GPC5: variants seen among roughly 807,000 people sequenced by gnomAD.
The protein encoded by GPC5 is glypican-5.
GPC5 carries 47 observed loss-of-function variants against 53.9 expected under a neutral mutation model. The observed-to-expected ratio is 0.87, with a 90% confidence interval of 0.69 to 1.11. The LOEUF (loss-of-function observed/expected upper bound fraction) is 1.11. Ranked by LOEUF, GPC5 falls within the 50% of genes most tolerant of loss-of-function variation. The pLI, the probability that GPC5 is intolerant of heterozygous loss-of-function variation, is 0.00. For missense variants in GPC5, 748 were observed against 713.1 expected, an observed-to-expected ratio of 1.05 and a Z score of -0.56; for synonymous variants, 286 against 263.3, an observed-to-expected ratio of 1.09 and a Z score of -0.84.
intron 2 of GPC5, among the ~76,000 whole-genome samples, chr13:91,465,996 A>G (rs1882212931): frequency 6.6e-6 from 1 of 152,274 alleles, no homozygotes; most frequent in African/African-American, 2.4e-5. Flanking sequence ...CAGCTCCTCT[A>G]TTGCTTTTAG....
At chr13:92,331,217 AC>A (rs1243723542) in intron 7 of GPC5, among the ~76,000 whole-genome samples, 1 of 152,170 alleles carries the variant, frequency 6.6e-6, no homozygotes, top group Admixed American at 6.6e-5. Context: ...CAATCATTTA[AC>A]ACACATGACT....
chr13:91,882,211 C>A (rs1027178067), intron 5 of GPC5, among the ~76,000 whole-genome samples: 2 of 151,822 alleles, frequency 1.3e-5, no homozygotes, highest in Non-Finnish European at 2.9e-5. Flanking sequence ...GTAATGTAAC[C>A]TGTATGGTTT....
chr13:92,234,332 CT>C (rs2042553797), intron 7 of GPC5, among the ~76,000 whole-genome samples: 1 of 152,118 alleles, frequency 6.6e-6, no homozygotes, highest in African/African-American at 2.4e-5. Context: ...TGTTTCCTGA[CT>C]TTTTAATGAT....
chr13:92,232,838 T>A (rs1462387797), intron 7 of GPC5, among the ~76,000 whole-genome samples: 1 of 152,220 alleles, frequency 6.6e-6, no homozygotes, highest in African/African-American at 2.4e-5. Flanking sequence ...GTTAAAACTA[T>A]AATTGTAGCA....
At chr13:92,492,994 A>T (rs1179343751) in intron 7 of GPC5, among the ~76,000 whole-genome samples, 2 of 152,176 alleles carry the variant, frequency 1.3e-5, no homozygotes, top group African/African-American at 4.8e-5. Context: ...CTGTTCTCTC[A>T]CAAATAAATG....
At chr13:92,326,881 G>C (rs1234817865) in intron 7 of GPC5, among the ~76,000 whole-genome samples, 1 of 152,220 alleles carries the variant, frequency 6.6e-6, no homozygotes, top group East Asian at 1.9e-4. Context: ...TCTATGGTCA[G>C]GGAGGAATGT....
intron 2 of GPC5, among the ~76,000 whole-genome samples, chr13:91,663,030 C>T (rs1054794451): frequency 2.0e-5 from 3 of 152,150 alleles, no homozygotes; most frequent in Non-Finnish European, 4.4e-5. Context: ...GCTACTGTTG[C>T]CTCACTTACA....
intron 7 of GPC5, among the ~76,000 whole-genome samples, chr13:92,299,903 T>A (rs74107162): frequency 0.023 from 3,545 of 152,282 alleles, 147 homozygotes; most frequent in African/African-American, 0.081. Flanking sequence ...GCAAATTATA[T>A]TGCTGTCAGC....
intron 6 of GPC5, among the ~76,000 whole-genome samples, chr13:92,127,218 G>T (rs2138956040): frequency 6.6e-6 from 1 of 151,652 alleles, no homozygotes; most frequent in South Asian, 2.1e-4. Context: ...AGCCTTAAAA[G>T]GAAGCTAGTT....
chr13:91,699,010 T>C (rs1045590715), intron 3 of GPC5, among the ~76,000 whole-genome samples: 2 of 152,212 alleles, frequency 1.3e-5, no homozygotes, highest in African/African-American at 4.8e-5. Flanking sequence ...TGAGGACCCC[T>C]GGGTTAAAGA....
chr13:92,064,188 T>G (rs919463408), intron 6 of GPC5, among the ~76,000 whole-genome samples: 7 of 152,172 alleles, frequency 4.6e-5, no homozygotes, highest in Non-Finnish European at 8.8e-5. Flanking sequence ...TAGCCAAAAG[T>G]TTCACTGATG....
At chr13:91,730,694 A>G (rs11843145) in intron 4 of GPC5, among the ~76,000 whole-genome samples, 10,268 of 152,282 alleles carry the variant, frequency 0.067, 360 homozygotes, top group Middle Eastern at 0.088. Flanking sequence ...AGTAAGCAAC[A>G]GAGCCTTTTC....
intron 7 of GPC5, among the ~76,000 whole-genome samples, chr13:92,550,608 G>T (rs1038218797): frequency 6.6e-6 from 1 of 151,658 alleles, no homozygotes; most frequent in African/African-American, 2.4e-5. Context: ...CCTGAAAAAG[G>T]GGTATTAAAA....
At chr13:91,715,800 C>CTCTCTCTCTCTGTG (rs997034217) in intron 3 of GPC5, among the ~76,000 whole-genome samples, 1 of 145,770 alleles carries the variant, frequency 6.9e-6, no homozygotes, top group African/African-American at 2.6e-5. Flanking sequence ...CTCTCTCTCT[C>CTCTCTCTCTCTGTG]TGTGTGTGTG....
At chr13:91,593,848 T>C (rs2032895865) in intron 2 of GPC5, among the ~76,000 whole-genome samples, 1 of 150,796 alleles carries the variant, frequency 6.6e-6, no homozygotes. Context: ...TGTGGCCTGA[T>C]AAATAGCAAA....
intron 2 of GPC5, among the ~76,000 whole-genome samples, chr13:91,571,923 GTATATATACACACATGTATATACA>G (rs2031866306): frequency 9.1e-5 from 10 of 109,656 alleles, no homozygotes; most frequent in Non-Finnish European, 1.5e-4. Flanking sequence ...TACACATATT[GTATATATACACACATGTATATACA>G]TATACACACA....
chr13:91,752,958 T>G (rs2037211119), intron 4 of GPC5, among the ~76,000 whole-genome samples: 1 of 152,222 alleles, frequency 6.6e-6, no homozygotes, highest in Non-Finnish European at 1.5e-5. Context: ...AGTAGCATTC[T>G]GTTTGATTTC....
At chr13:92,617,352 T>G (rs964464024) in intron 7 of GPC5, among the ~76,000 whole-genome samples, 3 of 152,208 alleles carry the variant, frequency 2.0e-5, no homozygotes, top group African/African-American at 4.8e-5. Context: ...CTTTAGCTCT[T>G]CTTTCCATTC....
chr13:92,740,942 G>GTATATATATATATATATA, intron 7 of GPC5, among the ~76,000 whole-genome samples: 2 of 99,954 alleles, frequency 2.0e-5, no homozygotes, highest in African/African-American at 3.6e-5. Context: ...GCATGTATGT[G>GTATATATATATATATATA]TGTATATATA....
Sources: gnomAD v4.1 joint callset for allele counts (sites outside exome capture counted in the v4.1 genomes callset) on GRCh38, gnomAD v4.1.1 for gene constraint, MANE v1.5 for transcripts, NCBI Gene and HGNC (gene_info 2026-07-23, HGNC 2026-07-21) for gene names.